TSPAN11: variants seen among roughly 807,000 people sequenced by gnomAD.
TSPAN11 encodes tetraspanin-11.
In TSPAN11, 29 loss-of-function variants were observed where a neutral mutation model predicts 32.9. The observed-to-expected ratio is 0.88, with a 90% CI of 0.66 to 1.20. The LOEUF (loss-of-function observed/expected upper bound fraction) is 1.20, where lower values mean the gene tolerates loss of function less well. Among genes scored for constraint, TSPAN11 ranks in the 50% most tolerant of loss-of-function variants. The probability of loss-of-function intolerance (pLI) is 0.00; values close to 1 mark genes in which losing one functional copy is unlikely to be tolerated. For missense variants in TSPAN11, 283 were observed against 329.1 expected (o/e 0.86, Z 1.08); for synonymous variants, 140 against 141.3 (o/e 0.99, Z 0.07).
intron 3 of TSPAN11, among the ~76,000 whole-genome samples, chr12:30,969,717 G>A (rs1592485353): frequency 6.6e-6 from 1 of 152,072 alleles, no homozygotes; most frequent in African/African-American, 2.4e-5. Context: ...GTTCCATATT[G>A]CATTGATGGG....
At chr12:30,969,747 T>G (rs1938811203) in intron 3 of TSPAN11, among the ~76,000 whole-genome samples, 1 of 152,046 alleles carries the variant, frequency 6.6e-6, no homozygotes, top group Admixed American at 6.5e-5. Context: ...TTCATCAACA[T>G]CAACAAGCAT....
intron 2 of TSPAN11, among the ~76,000 whole-genome samples, chr12:30,962,350 G>C (rs1938629930): frequency 6.6e-6 from 1 of 152,204 alleles, no homozygotes; most frequent in Admixed American, 6.5e-5. Flanking sequence ...TCTGGGGACA[G>C]AGTCCTGGAT....
At chr12:31,004,135 GAT>G in the TSPAN11 span, among the ~76,000 whole-genome samples, 8 of 152,204 alleles carry the variant, frequency 5.3e-5, no homozygotes, top group Non-Finnish European at 1.2e-4. Flanking sequence ...ACATGCACTG[GAT>G]CCTGGCTAGT....
chr12:31,009,783 T>G, the TSPAN11 span, among the ~76,000 whole-genome samples: 1 of 152,216 alleles, frequency 6.6e-6, no homozygotes, highest in East Asian at 1.9e-4. Flanking sequence ...CACGGCACCC[T>G]GACCACATGC....
chr12:30,982,928 T>C, intron 6 of TSPAN11, 136 bp from the exon 7 acceptor site: 1 of 1,112,254 alleles, frequency 9.0e-7, no homozygotes, highest in Non-Finnish European at 1.3e-6. Context: ...AAGTAGCCTG[T>C]GAGCAATTCA....
chr12:31,014,763 T>A, the TSPAN11 span, among the ~76,000 whole-genome samples: 1 of 152,226 alleles, frequency 6.6e-6, no homozygotes, highest in Admixed American at 6.5e-5. Flanking sequence ...TTAGTATACA[T>A]CATGTCAATT....
At chr12:31,014,730 G>T in the TSPAN11 span, among the ~76,000 whole-genome samples, 1 of 152,148 alleles carries the variant, frequency 6.6e-6, no homozygotes, top group Admixed American at 6.5e-5. Flanking sequence ...AGCCCCTCCT[G>T]TGTGGTCAAC....
At chr12:30,969,542 A>G (rs1178968805) in intron 3 of TSPAN11, among the ~76,000 whole-genome samples, 1 of 152,174 alleles carries the variant, frequency 6.6e-6, no homozygotes, top group Non-Finnish European at 1.5e-5. Context: ...AACATCCTGA[A>G]GAGCTGACCG....
rs114617900 is a variant in TSPAN11 at position 30,927,923 on chromosome 12, T to A, written c.-12+1127T>A. ...CCAAGGGACTGGAGGCTCCAATTAA[T>A]GCCTGGAAATGCTTTGATGATAGTT... On this transcript the variant is annotated intron_variant, in intron 1 of 7. Coordinates refer to ENST00000546076, the MANE Select transcript of TSPAN11 (RefSeq NM_001370302.1). Among the ~76,000 whole-genome samples, 1,138 of 152,220 alleles carry A rather than the reference T, an allele frequency of 7.5e-3. 15 individuals carry two copies. Among genetic ancestry groups the A allele is most frequent in the African/African-American group, 0.026 (1,065 of 41,512 alleles).
At chr12:30,991,652 G>C (rs980848923) in intron 7 of TSPAN11, among the ~76,000 whole-genome samples, 1 of 152,128 alleles carries the variant, frequency 6.6e-6, no homozygotes, top group African/African-American at 2.4e-5. Flanking sequence ...GGTTCCCCCA[G>C]GCACACCACC....
rs1447661335 is a variant in TSPAN11, at chr12:30,975,604, C to T, written c.277-2957C>T. On this transcript the variant is annotated intron_variant, in intron 3 of 7. Transcript: ENST00000546076. The surrounding 1 kb of genome is among the most constrained non-coding windows in gnomAD (Gnocchi z 4.5). ...TAGCATGTACTAATTTAGCCAGCCACTAAACCAATGGGTGAGGTTCAGTAT... is the reference window on the plus strand; with the variant it reads ...TAGCATGTACTAATTTAGCCAGCCATTAAACCAATGGGTGAGGTTCAGTAT... Among the ~76,000 whole-genome samples the T allele has an allele frequency of 1.3e-5, 2 of 152,160 alleles. No homozygotes were observed. Among genetic ancestry groups the T allele is most frequent in the Admixed American group, 1.3e-4 (2 of 15,288 alleles).
Position 30,978,633 on chromosome 12 carries a change from A to G in TSPAN11, c.349A>G (p.Arg117Gly). 1.2e-6 allele frequency: 2 copies of G among 1,614,094 alleles called. No homozygotes were observed. The highest frequency in any genetic ancestry group is 1.7e-6 in the Non-Finnish European group (2 of 1,179,972). Residue 117 changes from arginine (R) to glycine (G), a missense_variant and splice_region_variant, in exon 4 of 8, where the codon AGG (arginine) becomes GGG (glycine). By Grantham distance (125) the Arg-to-Gly change is moderately radical. Coordinates refer to ENST00000546076, the MANE Select transcript of TSPAN11 (RefSeq NM_001370302.1). ...AGVLAHVYYQRLSDELKQHLN... is the reference protein window; with the variant it reads ...AGVLAHVYYQGLSDELKQHLN... Reference sequence around the variant, plus strand: ...AGTCCTGGCCCATGTGTATTACCAGAGGGTAAGTGACGTTTCCTCCTCCTG... The same window carrying G: ...AGTCCTGGCCCATGTGTATTACCAGGGGGTAAGTGACGTTTCCTCCTCCTG...
At chr12:30,935,660 G>A (rs1034315822) in intron 1 of TSPAN11, among the ~76,000 whole-genome samples, 3 of 152,106 alleles carry the variant, frequency 2.0e-5, no homozygotes, top group Non-Finnish European at 2.9e-5. Flanking sequence ...CTATTATATA[G>A]CGTTGTTCTT....
chr12:31,009,420 T>C, the TSPAN11 span, among the ~76,000 whole-genome samples: 3,272 of 152,350 alleles, frequency 0.021, 211 homozygotes, highest in East Asian at 0.17. Context: ...AATGGCTGCA[T>C]GAGGGCAGGA....
chr12:30,999,724 C>T (rs980396891), downstream of TSPAN11, among the ~76,000 whole-genome samples: 2 of 152,018 alleles, frequency 1.3e-5, no homozygotes, highest in Non-Finnish European at 2.9e-5. Context: ...AGAAATTTGC[C>T]CACTGGTTGG....
chr12:31,001,338 C>T (rs1456828666), downstream of TSPAN11, among the ~76,000 whole-genome samples: 1 of 152,196 alleles, frequency 6.6e-6, no homozygotes, highest in East Asian at 1.9e-4. Context: ...GTCTTCAGCT[C>T]TTAGCATCAA....
chr12:30,983,579 G>A (rs1939141796), intron 7 of TSPAN11, among the ~76,000 whole-genome samples: 1 of 152,090 alleles, frequency 6.6e-6, no homozygotes, highest in Admixed American at 6.6e-5. Flanking sequence ...GCACGTATCT[G>A]CATTCATTCC....
At position 30,979,553 on chromosome 12, in the gene TSPAN11, C is replaced by A; in HGVS notation, c.352-13C>A. 3 of 1,613,930 alleles carry A rather than the reference C, an allele frequency of 1.9e-6. No individual in the cohort carries two copies. The highest frequency in any genetic ancestry group is 2.7e-5 in the African/African-American group (2 of 75,062). On this transcript the variant is annotated splice_polypyrimidine_tract_variant and intron_variant, in intron 4 of 7. Transcript: ENST00000546076. ...GGTCCCGCTGATGGGGACTTCGCTC[C>A]TACCCTCCTCAGCTGAGTGATGAAC...
intron 6 of TSPAN11, 94 bp downstream of exon 6, chr12:30,982,784 G>A: frequency 6.8e-7 from 1 of 1,468,058 alleles, no homozygotes; most frequent in Non-Finnish European, 9.1e-7. Context: ...GTGGGTGTGG[G>A]AAAAGCAGGA....
Sources: gnomAD v4.1 joint callset for allele counts (sites outside exome capture counted in the v4.1 genomes callset) on GRCh38, gnomAD v4.1.1 for gene constraint, Gnocchi (gnomAD v3.1) non-coding constraint, MANE v1.5 for transcripts, NCBI Gene and HGNC (gene_info 2026-07-23, HGNC 2026-07-21) for gene names.